NINJ2: variants seen among roughly 807,000 people sequenced by gnomAD.
The protein encoded by NINJ2 is ninjurin-2.
NINJ2 carries 12 observed loss-of-function variants against 11.7 expected under a neutral mutation model. That is an observed-to-expected ratio of 1.02 (90% CI 0.66 to 1.66). NINJ2 has a LOEUF of 1.66. Among genes scored for constraint, NINJ2 ranks in the 40% most tolerant of loss-of-function variants. The pLI is 0.00. For missense variants in NINJ2, 187 were observed against 181.8 expected (o/e 1.03, Z -0.16); for synonymous variants, 93 against 76.8 (o/e 1.21, Z -1.10).
chr12:656,353 ACT>A (rs1174718044), intron 1 of NINJ2, among the ~76,000 whole-genome samples: 3 of 149,324 alleles, frequency 2.0e-5, no homozygotes, highest in Non-Finnish European at 4.5e-5. Context: ...ACAGAGTGAG[ACT>A]CTGTCTAAAA....
At chr12:635,147 C>T (rs536251449) in intron 1 of NINJ2, among the ~76,000 whole-genome samples, 2 of 151,986 alleles carry the variant, frequency 1.3e-5, no homozygotes, top group East Asian at 1.9e-4. Flanking sequence ...TCCGCCTCCC[C>T]GGTTCAAGTG....
At chr12:622,278 T>C (rs1240965294) in intron 1 of NINJ2, among the ~76,000 whole-genome samples, 1 of 148,480 alleles carries the variant, frequency 6.7e-6, no homozygotes, top group Non-Finnish European at 1.5e-5. Flanking sequence ...GGTGCGGTGG[T>C]GGGTGCCTGT....
At chr12:662,646 G>A (rs1410463053) in intron 1 of NINJ2, among the ~76,000 whole-genome samples, 1 of 152,176 alleles carries the variant, frequency 6.6e-6, no homozygotes, top group African/African-American at 2.4e-5. Context: ...CCATTGGCAA[G>A]GAGTCACAGA....
At chr12:654,311 A>AGGTTG (rs2120535054) in intron 1 of NINJ2, among the ~76,000 whole-genome samples, 1 of 151,244 alleles carries the variant, frequency 6.6e-6, no homozygotes, top group African/African-American at 2.4e-5. Context: ...ATCACCTGTC[A>AGGTTG]GGAGTTCGAG....
In NINJ2 at chr12:580,794, C is replaced by CTG. The variant is rs371998056; in HGVS notation, c.34-14618_34-14617dup. 1.2e-4 allele frequency among the ~76,000 whole-genome samples: 18 copies of CTG among 151,652 alleles called. No homozygotes were observed. The highest frequency in any genetic ancestry group is 1.6e-4 in the Non-Finnish European group (11 of 67,918). On this transcript the variant is annotated intron_variant, in intron 1 of 3. Transcript: ENST00000305108. This position sits in a 1 kb window ranked among gnomAD's most constrained non-coding sequence, Gnocchi z 4.7. Reference sequence around the variant, plus strand: ...TGCCACGGCAGCCACAATGTGTTTTCTGTGTGTGTGTGTCTGTGTGTATGC... The same window carrying CTG: ...TGCCACGGCAGCCACAATGTGTTTTCTGTGTGTGTGTGTGTCTGTGTGTATGC...
intron 1 of NINJ2, chr12:642,583 C>G (rs1177603762): frequency 6.6e-6 from 1 of 152,324 alleles, no homozygotes; most frequent in Admixed American, 6.5e-5. Context: ...AAATCAAGGA[C>G]TCTCGTGAGA....
At chr12:634,262 G>GTTTTTTTTTTTTTTTTTTTTTTTT (rs1565643231) in intron 1 of NINJ2, among the ~76,000 whole-genome samples, 1 of 75,620 alleles carries the variant, frequency 1.3e-5, no homozygotes, top group African/African-American at 4.0e-5. Context: ...ATTAGTTGCA[G>GTTTTTTTTTTTTTTTTTTTTTTTT]TTCTTTTTTT....
intron 1 of NINJ2, chr12:630,920 C>G (rs1407696988): frequency 6.6e-6 from 1 of 152,282 alleles, no homozygotes; most frequent in Non-Finnish European, 1.5e-5. Context: ...TAGGGGGGAG[C>G]CGCTTCTTAA....
rs552994220 is a variant in NINJ2 at position 580,775 on chromosome 12, G to C, written c.34-14597C>G. Among the ~76,000 whole-genome samples the C allele has an allele frequency of 6.6e-6, 1 of 151,992 alleles. No individual in the cohort carries two copies. Among genetic ancestry groups the C allele is most frequent in the South Asian group, 2.1e-4 (1 of 4,816 alleles). ...CTGCTGACTCCCCTCCATATGCCAC[G>C]GCAGCCACAATGTGTTTTCTGTGTG... On this transcript the variant is annotated intron_variant, in intron 1 of 3. Transcript: ENST00000305108. This position sits in a 1 kb window ranked among gnomAD's most constrained non-coding sequence, Gnocchi z 4.7.
intron 1 of NINJ2, among the ~76,000 whole-genome samples, chr12:662,639 T>C (rs958328828): frequency 6.6e-6 from 1 of 152,180 alleles, no homozygotes; most frequent in Non-Finnish European, 1.5e-5. Flanking sequence ...ATTCTATCCA[T>C]TGGCAAGGAG....
At chr12:588,193 AC>A (rs1322150621) in intron 1 of NINJ2, among the ~76,000 whole-genome samples, 9 of 66,860 alleles carry the variant, frequency 1.3e-4, no homozygotes, top group East Asian at 3.7e-4. Context: ...GACGGAAGGG[AC>A]GGAGGGGACG....
chr12:609,552 G>A (rs1475953559), intron 1 of NINJ2, among the ~76,000 whole-genome samples: 1 of 152,036 alleles, frequency 6.6e-6, no homozygotes, highest in Non-Finnish European at 1.5e-5. Flanking sequence ...GGTGGATCAC[G>A]AGGTCAGGAG....
intron 1 of NINJ2, among the ~76,000 whole-genome samples, chr12:650,654 G>A (rs530117785): frequency 7.2e-5 from 11 of 152,212 alleles, no homozygotes; most frequent in East Asian, 3.9e-4. Context: ...AGCCGAGTTC[G>A]CGCCACTGCA....
At chr12:649,531 G>GTATATATATA (rs58255301) in intron 1 of NINJ2, among the ~76,000 whole-genome samples, 8,059 of 127,340 alleles carry the variant, frequency 0.063, 368 homozygotes, top group East Asian at 0.18. Context: ...GTGTATATGT[G>GTATATATATA]TATATATATA....
rs1369239239 is a variant in NINJ2, at chr12:614,166, C to T, written c.34-47988G>A. 2.6e-5 allele frequency among the ~76,000 whole-genome samples: 4 copies of T among 152,156 alleles called. No homozygotes were observed. Among genetic ancestry groups the T allele is most frequent in the Non-Finnish European group, 4.4e-5 (3 of 68,040 alleles). ...CCTACTGCCTCCTAAAGAAGACCAT[C>T]CTTAGCGATGGTTGCTGCCTTGACT... On this transcript the variant is annotated intron_variant, in intron 1 of 3. Coordinates refer to ENST00000305108, the MANE Select transcript of NINJ2 (RefSeq NM_016533.6). The surrounding 1 kb of genome is among the most constrained non-coding windows in gnomAD (Gnocchi z 5.1).
At position 614,492 on chromosome 12, in the gene NINJ2, C is replaced by CG. The variant is rs975148389; in HGVS notation, c.34-48315dup. 6.6e-6 allele frequency among the ~76,000 whole-genome samples: 1 copy of CG among 152,132 alleles called. No homozygotes were observed. The highest frequency in any genetic ancestry group is 2.1e-4 in the South Asian group (1 of 4,824). On this transcript the variant is annotated intron_variant, in intron 1 of 3. Coordinates refer to ENST00000305108, the MANE Select transcript of NINJ2 (RefSeq NM_016533.6). The surrounding 1 kb of genome is among the most constrained non-coding windows in gnomAD (Gnocchi z 5.1). ...GGGTGGCGGTGTGCCTGTGTGCCCA[C>CG]GGGGGGCTCAGCAGATGGCACTCTT...
chr12:637,533 C>T (rs985708303), intron 1 of NINJ2, among the ~76,000 whole-genome samples: 7 of 150,424 alleles, frequency 4.7e-5, no homozygotes, highest in African/African-American at 1.2e-4. Flanking sequence ...CCCAGCTACT[C>T]GGGAGGCTGA....
At chr12:565,182 G>GTCCCTGGAGCTGGGGTTCCTCCATCC in intron 3 of NINJ2, 35 bp downstream of exon 3, 1 of 1,545,206 alleles carries the variant, frequency 6.5e-7, no homozygotes, top group Non-Finnish European at 8.8e-7. Context: ...CACCTGGGGA[G>GTCCCTGGAGCTGGGGTTCCTCCATCC]TCCCTGGAGC....
At chr12:656,478 TG>T (rs1218940269) in intron 1 of NINJ2, among the ~76,000 whole-genome samples, 2 of 151,880 alleles carry the variant, frequency 1.3e-5, no homozygotes, top group African/African-American at 2.4e-5. Context: ...CGGCCAGGCA[TG>T]GTGGCTCACA....
Sources: gnomAD v4.1 joint callset for allele counts (sites outside exome capture counted in the v4.1 genomes callset) on GRCh38, gnomAD v4.1.1 for gene constraint, Gnocchi (gnomAD v3.1) non-coding constraint, MANE v1.5 for transcripts, NCBI Gene and HGNC (gene_info 2026-07-23, HGNC 2026-07-21) for gene names.